Variants in NIPAL2 observed in about 807,000 individuals in gnomAD.
The protein encoded by NIPAL2 is NIPA like domain containing 2.
In NIPAL2, 43 loss-of-function variants were observed where a neutral mutation model predicts 48.9. That is an observed-to-expected ratio of 0.88 (90% CI 0.69 to 1.13). The LOEUF (loss-of-function observed/expected upper bound fraction) is 1.13. Among genes scored for constraint, NIPAL2 ranks in the 50% most tolerant of loss-of-function variants. NIPAL2 has a pLI of 0.00. For missense variants in NIPAL2, 446 were observed against 461.4 expected (o/e 0.97, Z 0.31); for synonymous variants, 167 against 174.6 (o/e 0.96, Z 0.34).
intron 4 of NIPAL2, among the ~76,000 whole-genome samples, chr8:98,233,199 A>C (rs908600263): frequency 2.0e-5 from 3 of 152,138 alleles, no homozygotes; most frequent in Admixed American, 2.0e-4. Flanking sequence ...TGGAGGTTGC[A>C]GTAAGCTGAG....
intron 1 of NIPAL2, among the ~76,000 whole-genome samples, chr8:98,285,335 G>A (rs1351783597): frequency 6.6e-6 from 1 of 152,144 alleles, no homozygotes; most frequent in Non-Finnish European, 1.5e-5. Context: ...ATTTCAGGTG[G>A]GTGTCCAGTC....
chr8:98,202,299 G>A (rs991844573), intron 8 of NIPAL2, among the ~76,000 whole-genome samples: 3 of 152,224 alleles, frequency 2.0e-5, no homozygotes, highest in African/African-American at 4.8e-5. Flanking sequence ...ATAGGGAAGA[G>A]TTAGTAGAAT....
intron 3 of NIPAL2, among the ~76,000 whole-genome samples, chr8:98,236,872 A>AAG (rs1812743861): frequency 6.7e-6 from 1 of 149,676 alleles, no homozygotes; most frequent in Non-Finnish European, 1.5e-5. Context: ...AAAAAAAAAA[A>AAG]AAAGGACAGG....
At chr8:98,282,168 G>A (rs529193861) in intron 1 of NIPAL2, among the ~76,000 whole-genome samples, 14 of 152,282 alleles carry the variant, frequency 9.2e-5, no homozygotes, top group East Asian at 7.8e-4. Flanking sequence ...AGTGCATTCC[G>A]GCAAAGGGCA....
At chr8:98,203,333 C>T (rs1810891230) in intron 7 of NIPAL2, 137 bp from the exon 8 acceptor site, 2 of 678,474 alleles carry the variant, frequency 2.9e-6, no homozygotes, top group African/African-American at 1.8e-5. Context: ...CATTTCCAAT[C>T]AGCAGTCATA....
At chr8:98,234,181 T>C (rs371436848) in intron 4 of NIPAL2, among the ~76,000 whole-genome samples, 2 of 152,240 alleles carry the variant, frequency 1.3e-5, no homozygotes, top group South Asian at 2.1e-4. Flanking sequence ...GCCCCAAATG[T>C]CAGCAATGCT....
intron 4 of NIPAL2, among the ~76,000 whole-genome samples, chr8:98,223,381 G>C (rs893413094): frequency 6.6e-6 from 1 of 152,162 alleles, no homozygotes; most frequent in Admixed American, 6.6e-5. Context: ...AAGGGGTGAA[G>C]GGAGGACTTG....
intron 8 of NIPAL2, among the ~76,000 whole-genome samples, chr8:98,201,172 T>C (rs1810781610): frequency 6.6e-6 from 1 of 152,086 alleles, no homozygotes; most frequent in Non-Finnish European, 1.5e-5. Context: ...CAAAATACGG[T>C]CTCATCTTAA....
At position 98,242,261 on chromosome 8, in the gene NIPAL2, C is replaced by T. The variant is rs2130804124; in HGVS notation, c.377-6047G>A. 3.3e-5 allele frequency among the ~76,000 whole-genome samples: 5 copies of T among 151,022 alleles called. No individual in the cohort carries two copies. The South Asian group carries it at 1.1e-3, about 32-fold the overall frequency. Reference sequence around the variant, plus strand: ...GTGGCGCAACCATGGCTCGCTGCAGCCTCGACCTCCTGAGCTCACGTGATT... The same window carrying T: ...GTGGCGCAACCATGGCTCGCTGCAGTCTCGACCTCCTGAGCTCACGTGATT... On this transcript the variant is annotated intron_variant, in intron 3 of 10. Coordinates refer to ENST00000430223, the MANE Select transcript of NIPAL2 (RefSeq NM_001321635.2).
intron 8 of NIPAL2, among the ~76,000 whole-genome samples, chr8:98,202,353 G>C (rs1289857055): frequency 2.6e-5 from 4 of 152,196 alleles, no homozygotes; most frequent in Admixed American, 6.5e-5. Flanking sequence ...GGACCTTTCA[G>C]TTGCTTTGAT....
intron 4 of NIPAL2, among the ~76,000 whole-genome samples, 190 bp downstream of exon 4, chr8:98,235,965 A>T (rs897659723): frequency 6.6e-6 from 1 of 152,086 alleles, no homozygotes; most frequent in African/African-American, 2.4e-5. Context: ...AGTAGTCACA[A>T]TAGAAATGGA....
chr8:98,213,607 CT>C (rs982225349), intron 5 of NIPAL2, among the ~76,000 whole-genome samples: 54 of 147,816 alleles, frequency 3.7e-4, no homozygotes, highest in Non-Finnish European at 5.4e-4. Flanking sequence ...TTTAAAAATT[CT>C]TTTTTTTTTT....
chr8:98,268,162 T>C lies in NIPAL2; in HGVS notation c.136-14075A>G, dbSNP rs193070409. Among the ~76,000 whole-genome samples the C allele has an allele frequency of 1.2e-3, 179 of 152,316 alleles. 2 individuals carry two copies. Among genetic ancestry groups the C allele is most frequent in the Non-Finnish European group, 2.1e-3 (145 of 68,028 alleles). On this transcript the variant is annotated intron_variant, in intron 1 of 10. Transcript: ENST00000430223. ...TCATAAAGAATGCTGAAGGTAGATA[T>C]CACCTTAGTTGAGTCTTTCCTAGCC...
chr8:98,277,491 C>T (rs1303818130), intron 1 of NIPAL2, among the ~76,000 whole-genome samples: 2 of 152,056 alleles, frequency 1.3e-5, no homozygotes, highest in East Asian at 1.9e-4. Context: ...GAGCTGGGGT[C>T]GCACCATTGC....
At chr8:98,244,685 G>C (rs931792931) in intron 3 of NIPAL2, among the ~76,000 whole-genome samples, 2 of 152,138 alleles carry the variant, frequency 1.3e-5, no homozygotes, top group African/African-American at 4.8e-5. Flanking sequence ...TTCAAGATCA[G>C]TGAAAGGTGG....
chr8:98,264,455 C>CA (rs2130860952), intron 1 of NIPAL2, among the ~76,000 whole-genome samples: 1 of 148,422 alleles, frequency 6.7e-6, no homozygotes, highest in South Asian at 2.2e-4. Context: ...AATCAATGTA[C>CA]AAAAATCACA....
At chr8:98,247,580 G>A (rs1813374691) in intron 3 of NIPAL2, among the ~76,000 whole-genome samples, 1 of 152,170 alleles carries the variant, frequency 6.6e-6, no homozygotes, top group Non-Finnish European at 1.5e-5. Flanking sequence ...TCTGACAGAT[G>A]GTCCCAGATT....
At chr8:98,194,876 ATTAAAT>A in intron 9 of NIPAL2, 54 bp from the exon 10 acceptor site, 2 of 1,039,840 alleles carry the variant, frequency 1.9e-6, no homozygotes, top group Non-Finnish European at 1.4e-6. Flanking sequence ...GACTCATGGT[ATTAAAT>A]AACTGAGCTC....
In NIPAL2 at chr8:98,203,207, A is replaced by T; in HGVS notation, c.792-11T>A. ...GCTTGATTCAGGAACCTAGGGCAGA[A>T]GGCACTTACTGGAGCTTTGGCTTTA... On this transcript the variant is annotated splice_polypyrimidine_tract_variant and intron_variant, in intron 7 of 10. Coordinates refer to ENST00000430223, the MANE Select transcript of NIPAL2 (RefSeq NM_001321635.2). 1 of 1,606,176 alleles carries T rather than the reference A, an allele frequency of 6.2e-7. No homozygotes were observed. The highest frequency in any genetic ancestry group is 8.5e-7 in the Non-Finnish European group (1 of 1,172,830).
Sources: allele counts gnomAD v4.1 joint callset (sites outside exome capture counted in the v4.1 genomes callset), GRCh38; gene constraint gnomAD v4.1.1; transcripts MANE v1.5; gene names NCBI Gene and HGNC (gene_info 2026-07-23, HGNC 2026-07-21).